The following FGF10 variants were observed in gnomAD, a reference collection of about 807,000 sequenced individuals.
FGF10 encodes fibroblast growth factor 10.
In FGF10, 2 loss-of-function variants were observed where a neutral mutation model predicts 19.8. The ratio of observed to expected loss-of-function variants is 0.10; its 90% CI spans 0.04 to 0.32. The LOEUF is 0.32. FGF10 is among the 10% of genes least tolerant of loss of function. FGF10 has a pLI of 1.00. For synonymous variants in FGF10, 112 were observed against 94.0 expected, an observed-to-expected ratio of 1.19 and a Z score of -1.10; for missense variants, 191 against 246.3, an observed-to-expected ratio of 0.78 and a Z score of 1.50.
At chr5:44,358,209 T>G (rs1442111122) in intron 1 of FGF10, among the ~76,000 whole-genome samples, 1 of 151,522 alleles carries the variant, frequency 6.6e-6, no homozygotes, top group Non-Finnish European at 1.5e-5. Flanking sequence ...ATCTTTAACG[T>G]ATGTTCATTG....
chr5:44,355,396 GT>G (rs1191998772), intron 1 of FGF10, among the ~76,000 whole-genome samples: 1 of 151,352 alleles, frequency 6.6e-6, no homozygotes, highest in East Asian at 1.9e-4. Flanking sequence ...AGAGAAAACA[GT>G]ATAAGGATCT....
intron 1 of FGF10, among the ~76,000 whole-genome samples, chr5:44,324,237 GA>G (rs547890901): frequency 1.3e-5 from 2 of 151,070 alleles, no homozygotes; most frequent in African/African-American, 2.4e-5. Flanking sequence ...AAGAAACACT[GA>G]AAAAAAAGAA....
chr5:44,356,418 G>T (rs1232594489), intron 1 of FGF10, among the ~76,000 whole-genome samples: 1 of 151,408 alleles, frequency 6.6e-6, no homozygotes, highest in African/African-American at 2.4e-5. Context: ...TGTAAACATG[G>T]TTTTTGGCAA....
intron 1 of FGF10, among the ~76,000 whole-genome samples, chr5:44,319,159 A>G (rs1033298596): frequency 2.6e-5 from 4 of 152,164 alleles, no homozygotes; most frequent in Non-Finnish European, 5.9e-5. Context: ...TATCTTGTTC[A>G]TTACACAGAA....
chr5:44,381,439 T>A (rs748493984), intron 1 of FGF10, among the ~76,000 whole-genome samples: 15 of 151,912 alleles, frequency 9.9e-5, no homozygotes, highest in Non-Finnish European at 2.2e-4. Flanking sequence ...CTTAAAGGTA[T>A]GTAGCCAGTT....
chr5:44,301,149 A>G lies in FGF10; in HGVS notation c.*3846T>C, dbSNP rs1385829244. ...TATTTTTTTTTCAGTTTAAGTTGGA[A>G]AAGTCCTGCTTCATGAAATAAACAA... On this transcript the variant is annotated 3_prime_UTR_variant, in exon 3 of 3. Coordinates refer to ENST00000264664, the MANE Select transcript of FGF10 (RefSeq NM_004465.2). 6.6e-6 allele frequency among the ~76,000 whole-genome samples: 1 copy of G among 152,002 alleles called. No individual in the cohort carries two copies. The highest frequency in any genetic ancestry group is 1.5e-5 in the Non-Finnish European group (1 of 68,018).
chr5:44,302,008 CTG>C lies in FGF10; in HGVS notation c.*2985_*2986del, dbSNP rs1269627264. ...AACTCAAATGGACACATATTTGTGG[CTG>C]ATGCACTTTAACTTTGTGGGCCTGG... On this transcript the variant is annotated 3_prime_UTR_variant, in exon 3 of 3. Coordinates refer to ENST00000264664, the MANE Select transcript of FGF10 (RefSeq NM_004465.2). Among the ~76,000 whole-genome samples, 3 of 151,762 alleles carry C rather than the reference CTG, an allele frequency of 2.0e-5. No individual in the cohort carries two copies. Among genetic ancestry groups the C allele is most frequent in the African/African-American group, 7.3e-5 (3 of 41,324 alleles).
intron 1 of FGF10, among the ~76,000 whole-genome samples, chr5:44,333,217 G>T (rs921869195): frequency 3.9e-5 from 6 of 152,050 alleles, no homozygotes; most frequent in African/African-American, 1.4e-4. Context: ...CTACTTTTGT[G>T]TATTTTATTA....
intron 1 of FGF10, among the ~76,000 whole-genome samples, chr5:44,356,872 A>G (rs1019598751): frequency 6.6e-6 from 1 of 151,326 alleles, no homozygotes; most frequent in Non-Finnish European, 1.5e-5. Flanking sequence ...AGTATTACCC[A>G]ACTGCCATTC....
chr5:44,310,010 A>G (rs1394604226), intron 2 of FGF10, among the ~76,000 whole-genome samples: 2 of 152,188 alleles, frequency 1.3e-5, no homozygotes, highest in Non-Finnish European at 2.9e-5. Flanking sequence ...AGATTTTAAC[A>G]AAATGCAAAA....
At chr5:44,309,922 T>C (rs1266050053) in intron 2 of FGF10, among the ~76,000 whole-genome samples, 1 of 152,116 alleles carries the variant, frequency 6.6e-6, no homozygotes. Flanking sequence ...AATTAAAGGT[T>C]ATTGTCTAGG....
chr5:44,365,365 A>G lies in FGF10; in HGVS notation c.325+22993T>C, dbSNP rs536333783. The stretch of plus-strand genomic sequence containing the variant: ...AAATAATTTGCAAAAAAAAAAAAAA[A>G]AGAGAGAGGTAAAAAGCTCCTTTTT... On this transcript the variant is annotated intron_variant, in intron 1 of 2. Coordinates refer to ENST00000264664, the MANE Select transcript of FGF10 (RefSeq NM_004465.2). Among the ~76,000 whole-genome samples, 32 of 151,200 alleles carry G rather than the reference A, an allele frequency of 2.1e-4. 1 individual carries two copies. In the South Asian group the frequency reaches 5.4e-3, roughly 26 times the overall value.
intron 1 of FGF10, among the ~76,000 whole-genome samples, chr5:44,355,110 A>G (rs1384268148): frequency 6.6e-6 from 1 of 151,498 alleles, no homozygotes; most frequent in Non-Finnish European, 1.5e-5. Flanking sequence ...ATAAAAAGAA[A>G]GTACAATTTA....
intron 1 of FGF10, among the ~76,000 whole-genome samples, chr5:44,368,454 G>A (rs1741669467): frequency 6.6e-6 from 1 of 151,984 alleles, no homozygotes; most frequent in Non-Finnish European, 1.5e-5. Context: ...TTGGGACTGT[G>A]AAAAACCCAA....
intron 1 of FGF10, among the ~76,000 whole-genome samples, chr5:44,378,652 T>C (rs935267462): frequency 6.6e-6 from 1 of 152,114 alleles, no homozygotes; most frequent in African/African-American, 2.4e-5. Flanking sequence ...AGGATGGTCT[T>C]GATCTCCTGA....
At position 44,388,432 on chromosome 5, in the gene FGF10, G is replaced by C; in HGVS notation, c.251C>G (p.Ser84Cys). ...QGDVRWRKLFSFTKYFLKIEK... is the reference protein window; with the variant it reads ...QGDVRWRKLFCFTKYFLKIEK... ...AATCTTGAGAAAGTACTTGGTGAAA[G>C]AGAATAGCTTTCTCCAGCGGACATC... is the stretch of plus-strand genomic sequence containing the variant. The change falls in exon 1 of 3, where the codon TCT (serine) becomes TGT (cysteine). Residue 84 changes from serine to cysteine, a missense_variant. By Grantham distance (112) the Ser-to-Cys change is moderately radical. This residue lies in a region of FGF10 where 99 missense variants were observed against 161.7 expected (regional missense o/e 0.61). Transcript: ENST00000264664. 1.2e-6 allele frequency: 2 copies of C among 1,614,010 alleles called. No homozygotes were observed. The highest frequency in any genetic ancestry group is 1.7e-6 in the Non-Finnish European group (2 of 1,180,036).
intron 1 of FGF10, among the ~76,000 whole-genome samples, chr5:44,322,195 A>G (rs1040573516): frequency 3.3e-5 from 5 of 152,212 alleles, no homozygotes; most frequent in Admixed American, 1.3e-4. Flanking sequence ...TCAGTGACAC[A>G]GAATGGGTCC....
intron 2 of FGF10, among the ~76,000 whole-genome samples, chr5:44,308,400 C>T (rs573911015): frequency 7.2e-5 from 11 of 152,074 alleles, no homozygotes; most frequent in Non-Finnish European, 1.2e-4. Context: ...ACATTTTCTT[C>T]CTTAATCTAA....
chr5:44,372,263 A>G (rs17234015), intron 1 of FGF10, among the ~76,000 whole-genome samples: 1,622 of 152,148 alleles, frequency 0.011, 31 homozygotes, highest in African/African-American at 0.037. Context: ...CCTTACCACT[A>G]TGTTGAAAGC....
Sources: gnomAD v4.1 joint callset for allele counts (sites outside exome capture counted in the v4.1 genomes callset) on GRCh38, gnomAD v4.1.1 for gene constraint, gnomAD v4.1.1 regional missense constraint, MANE v1.5 for transcripts, NCBI Gene and HGNC (gene_info 2026-07-23, HGNC 2026-07-21) for gene names.